Variants in GUCY1A2 observed in about 807,000 individuals in gnomAD.
GUCY1A2 encodes guanylate cyclase 1 soluble subunit alpha 2.
A neutral mutation model predicts 63.5 loss-of-function variants in GUCY1A2; 27 were observed. That is an observed-to-expected ratio of 0.43 (90% confidence interval 0.31 to 0.59). GUCY1A2 has a LOEUF of 0.59. GUCY1A2 is among the 20% of genes least tolerant of loss of function. GUCY1A2 has a pLI of 0.11. For synonymous variants in GUCY1A2, 364 were observed against 343.5 expected, an observed-to-expected ratio of 1.06 and a Z score of -0.66; for missense variants, 768 against 913.3, an observed-to-expected ratio of 0.84 and a Z score of 2.05.
At chr11:106,915,377 T>A (rs1456872050) in intron 4 of GUCY1A2, among the ~76,000 whole-genome samples, 1 of 152,028 alleles carries the variant, frequency 6.6e-6, no homozygotes. Flanking sequence ...TTACAAGGTA[T>A]CTGTACTACC....
At chr11:106,814,055 A>T (rs998847341) in intron 4 of GUCY1A2, among the ~76,000 whole-genome samples, 1 of 152,114 alleles carries the variant, frequency 6.6e-6, no homozygotes, top group African/African-American at 2.4e-5. Flanking sequence ...AGAAGCCTGA[A>T]GGTGAAGGAG....
At chr11:106,864,226 G>T (rs35458588) in intron 4 of GUCY1A2, among the ~76,000 whole-genome samples, 34,151 of 144,216 alleles carry the variant, frequency 0.24, 4,108 homozygotes, top group East Asian at 0.48. Context: ...ATAATAAGAA[G>T]AAGAAGAAAG....
chr11:106,839,131 C>T (rs972010703), intron 4 of GUCY1A2, among the ~76,000 whole-genome samples: 34 of 151,968 alleles, frequency 2.2e-4, no homozygotes, highest in Admixed American at 1.7e-3. Flanking sequence ...AGTCTTGAAT[C>T]CATCTTGAAT....
At chr11:106,818,884 C>T (rs1455379919) in intron 4 of GUCY1A2, among the ~76,000 whole-genome samples, 1 of 152,086 alleles carries the variant, frequency 6.6e-6, no homozygotes, top group East Asian at 1.9e-4. Context: ...AGAAAGGCGG[C>T]CTTAGATCTC....
intron 3 of GUCY1A2, among the ~76,000 whole-genome samples, chr11:106,953,275 G>A (rs1389833761): frequency 6.6e-6 from 1 of 152,176 alleles, no homozygotes; most frequent in African/African-American, 2.4e-5. Context: ...AATCTGTTGA[G>A]ATAATCATGT....
intron 4 of GUCY1A2, among the ~76,000 whole-genome samples, chr11:106,893,641 C>A (rs1860005441): frequency 6.6e-6 from 1 of 152,158 alleles, no homozygotes; most frequent in Admixed American, 6.5e-5. Flanking sequence ...ATTAGCAACT[C>A]TTCTTAAATC....
chr11:106,873,810 T>C (rs1859713186), intron 4 of GUCY1A2, among the ~76,000 whole-genome samples: 1 of 152,202 alleles, frequency 6.6e-6, no homozygotes, highest in Non-Finnish European at 1.5e-5. Flanking sequence ...TTGTTGCAAT[T>C]GCTACAAAAG....
chr11:106,833,835 G>A (rs1859083176), intron 4 of GUCY1A2, among the ~76,000 whole-genome samples: 1 of 151,924 alleles, frequency 6.6e-6, no homozygotes. Flanking sequence ...AAGCATATTA[G>A]AATAAAGAAA....
At chr11:106,986,497 G>C (rs1387147471) in intron 1 of GUCY1A2, among the ~76,000 whole-genome samples, 1 of 152,102 alleles carries the variant, frequency 6.6e-6, no homozygotes, top group Non-Finnish European at 1.5e-5. Flanking sequence ...TTCCTTTCCA[G>C]CATATGTAAT....
chr11:106,912,179 C>T (rs1475751076), intron 4 of GUCY1A2, among the ~76,000 whole-genome samples: 1 of 151,898 alleles, frequency 6.6e-6, no homozygotes, highest in Non-Finnish European at 1.5e-5. Flanking sequence ...CTAATTCATA[C>T]CTAAATTTCA....
intron 6 of GUCY1A2, among the ~76,000 whole-genome samples, chr11:106,725,195 C>A (rs1248041631): frequency 3.5e-4 from 3 of 8,548 alleles, no homozygotes; most frequent in African/African-American, 1.9e-3. Context: ...TTTTTTGAGA[C>A]GGAGTCTCGC....
chr11:106,781,057 G>T (rs1864450482), intron 5 of GUCY1A2, among the ~76,000 whole-genome samples: 1 of 133,594 alleles, frequency 7.5e-6, no homozygotes, highest in Non-Finnish European at 1.5e-5. Flanking sequence ...TTGCTCCTGA[G>T]TTTATTTCCT....
intron 4 of GUCY1A2, among the ~76,000 whole-genome samples, chr11:106,908,177 A>G (rs1485896127): frequency 3.9e-5 from 6 of 152,054 alleles, no homozygotes; most frequent in African/African-American, 1.2e-4. Flanking sequence ...TAAAATCTTA[A>G]AAGAGAAAGG....
intron 5 of GUCY1A2, among the ~76,000 whole-genome samples, chr11:106,782,321 CAG>C (rs1864479208): frequency 6.6e-6 from 1 of 152,232 alleles, no homozygotes; most frequent in Non-Finnish European, 1.5e-5. Flanking sequence ...TAAAAAGAGA[CAG>C]AGAGAGAAGA....
At chr11:106,853,983 G>A (rs550622784) in intron 4 of GUCY1A2, among the ~76,000 whole-genome samples, 93 of 152,186 alleles carry the variant, frequency 6.1e-4, no homozygotes, top group Non-Finnish European at 1.1e-3. Flanking sequence ...GGACTTGCTG[G>A]GGACAAGGTC....
intron 5 of GUCY1A2, among the ~76,000 whole-genome samples, chr11:106,796,425 G>A (rs1182954389): frequency 6.6e-6 from 1 of 152,148 alleles, no homozygotes; most frequent in African/African-American, 2.4e-5. Flanking sequence ...AATTTGGCAT[G>A]TTTTTGCAGT....
chr11:107,014,671 T>C (rs1311500187), intron 1 of GUCY1A2, among the ~76,000 whole-genome samples: 1 of 152,156 alleles, frequency 6.6e-6, no homozygotes, highest in African/African-American at 2.4e-5. Context: ...GTCAAATAAC[T>C]AGTTTAATAA....
At chr11:106,928,525 G>T (rs560817001) in intron 4 of GUCY1A2, among the ~76,000 whole-genome samples, 3 of 149,638 alleles carry the variant, frequency 2.0e-5, no homozygotes, top group African/African-American at 7.3e-5. Context: ...TAGGAAAAAC[G>T]GAAAACGAAC....
chr11:106,853,983 GGGACAAGGTCACCAGGT>G (rs1859391676), intron 4 of GUCY1A2, among the ~76,000 whole-genome samples: 1 of 152,186 alleles, frequency 6.6e-6, no homozygotes, highest in South Asian at 2.1e-4. Flanking sequence ...GGACTTGCTG[GGGACAAGGTCACCAGGT>G]GGGCTGGTCC....
Sources: gnomAD v4.1 joint callset for allele counts (sites outside exome capture counted in the v4.1 genomes callset) on GRCh38, gnomAD v4.1.1 for gene constraint, MANE v1.5 for transcripts, NCBI Gene and HGNC (gene_info 2026-07-23, HGNC 2026-07-21) for gene names.